Variants in RMI1 observed in about 807,000 individuals in gnomAD.
The protein encoded by RMI1 is recQ-mediated genome instability protein 1.
A neutral mutation model predicts 46.7 loss-of-function variants in RMI1; 36 were observed. The observed-to-expected ratio is 0.77, with a 90% confidence interval of 0.59 to 1.02. The LOEUF is 1.02. Among genes scored for constraint, RMI1 ranks in the 50% least tolerant of loss-of-function variants. RMI1 has a pLI of 0.00. For missense variants in RMI1, 676 were observed against 713.7 expected (o/e 0.95, Z 0.60); for synonymous variants, 250 against 252.9 (o/e 0.99, Z 0.11).
chr9:83,985,917 G>A (rs1223249577), intron 1 of RMI1, among the ~76,000 whole-genome samples: 1 of 152,140 alleles, frequency 6.6e-6, no homozygotes, highest in Admixed American at 6.5e-5. Flanking sequence ...GCTGAGGCAG[G>A]AGAATGGCAG....
At chr9:83,993,956 T>C (rs1465846279) in intron 1 of RMI1, among the ~76,000 whole-genome samples, 1 of 150,514 alleles carries the variant, frequency 6.6e-6, no homozygotes, top group Non-Finnish European at 1.5e-5. Flanking sequence ...ATTTTTTTTT[T>C]TTTTTTTTGT....
At chr9:83,990,095 C>T (rs1046015630) in intron 1 of RMI1, among the ~76,000 whole-genome samples, 11 of 152,152 alleles carry the variant, frequency 7.2e-5, no homozygotes, top group Admixed American at 1.3e-4. Context: ...GGACATGTTG[C>T]ATGTTCTCAC....
chr9:84,001,803 A>C lies in RMI1; in HGVS notation c.817A>C (p.Ser273Arg), dbSNP rs774012352. 1 of 1,614,094 alleles carries C rather than the reference A, an allele frequency of 6.2e-7. No individual in the cohort carries two copies. Among genetic ancestry groups the C allele is most frequent in the Non-Finnish European group, 8.5e-7 (1 of 1,179,950 alleles). Residue 273 changes from serine (S) to arginine (R), a missense_variant, in exon 3 of 3, where the codon AGT (serine) becomes CGT (arginine). Physicochemically the swap from Ser to Arg is moderately radical, Grantham distance 110. Coordinates refer to ENST00000445877, the MANE Select transcript of RMI1 (RefSeq NM_001358291.2). ...CTCAGAACGATGTTTCACCACAGGT[A>C]GTTCCTCAAATACCATTCCCACAAG... ...TSSERCFTTGSSSNTIPTRQS... is the reference protein window; with the variant it reads ...TSSERCFTTGRSSNTIPTRQS...
At position 83,983,353 on chromosome 9, in the gene RMI1, T is replaced by C. The variant is rs192962242; in HGVS notation, c.-126+2462T>C. On this transcript the variant is annotated intron_variant, in intron 1 of 2. Coordinates refer to ENST00000445877, the MANE Select transcript of RMI1 (RefSeq NM_001358291.2). ...ATGGAGGATCCATAAAAATCTCCTC[T>C]GATTACTTCTTCTAATTTCAGTCAT... Among the ~76,000 whole-genome samples the C allele has an allele frequency of 7.2e-5, 11 of 152,336 alleles. No individual in the cohort carries two copies. In the East Asian group the frequency reaches 2.1e-3, roughly 29 times the overall value.
chr9:84,001,508 T>A lies in RMI1; in HGVS notation c.522T>A (p.Ser174=). The part of the protein sequence containing the change: ...GTKILIYGNI[S]FRLGVLLLKP... ...AAATTTTGATTTATGGAAATATATC[T>A]TTCCGTCTTGGTGTTCTCTTATTGA... The change falls in exon 3 of 3, where the codon TCT becomes TCA. Residue 174 remains serine, a synonymous_variant. Transcript: ENST00000445877. 6.2e-7 allele frequency: 1 copy of A among 1,613,980 alleles called. No individual in the cohort carries two copies. Among genetic ancestry groups the A allele is most frequent in the Non-Finnish European group, 8.5e-7 (1 of 1,179,986 alleles).
Position 84,001,165 on chromosome 9 carries a change from A to C in RMI1, c.179A>C (p.Asp60Ala), listed in dbSNP as rs1341161431. 1 of 1,613,982 alleles carries C rather than the reference A, an allele frequency of 6.2e-7. No homozygotes were observed. Among genetic ancestry groups the C allele is most frequent in the African/African-American group, 1.3e-5 (1 of 74,938 alleles). ...GTGTTTGAGCAGTGGCTCCTTACTG[A>C]TCTGAGGGATTTGGAGCATCCTCTT... ...KQVFEQWLLTDLRDLEHPLLP... is the reference protein window; with the variant it reads ...KQVFEQWLLTALRDLEHPLLP... The change falls in exon 3 of 3, where the codon GAT (aspartate) becomes GCT (alanine). Residue 60 changes from aspartate (D) to alanine (A), a missense_variant. Coordinates refer to ENST00000445877, the MANE Select transcript of RMI1 (RefSeq NM_001358291.2).
chr9:83,991,558 T>A (rs1027078948), intron 1 of RMI1, among the ~76,000 whole-genome samples: 1 of 152,194 alleles, frequency 6.6e-6, no homozygotes, highest in Admixed American at 6.6e-5. Flanking sequence ...CCTCAGGTGA[T>A]GCTCCCACCT....
chr9:83,986,211 AAGAT>A (rs1382008411), intron 1 of RMI1, among the ~76,000 whole-genome samples: 3 of 152,250 alleles, frequency 2.0e-5, no homozygotes, highest in Non-Finnish European at 4.4e-5. Context: ...AGCTATCACA[AAGAT>A]AAATATAGTA....
At chr9:83,993,332 C>T (rs966506376) in intron 1 of RMI1, among the ~76,000 whole-genome samples, 1 of 152,138 alleles carries the variant, frequency 6.6e-6, no homozygotes, top group Non-Finnish European at 1.5e-5. Context: ...ATAGGATTTA[C>T]TTCTTTTATA....
chr9:83,990,509 T>A (rs1957554809), intron 1 of RMI1, among the ~76,000 whole-genome samples: 2 of 94,400 alleles, frequency 2.1e-5, no homozygotes, highest in Non-Finnish European at 5.4e-5. Context: ...GAATGCTGTC[T>A]TAAAAAAAAA....
intron 1 of RMI1, among the ~76,000 whole-genome samples, chr9:83,998,205 C>T (rs1957686859): frequency 6.6e-6 from 1 of 152,150 alleles, no homozygotes; most frequent in Non-Finnish European, 1.5e-5. Context: ...TTCATCACAA[C>T]AAGTAAAGAC....
chr9:83,982,026 C>T (rs1203022676), intron 1 of RMI1, among the ~76,000 whole-genome samples: 1 of 152,114 alleles, frequency 6.6e-6, no homozygotes, highest in Admixed American at 6.5e-5. Flanking sequence ...TTTAAATGGT[C>T]CCCACCATGA....
intron 1 of RMI1, among the ~76,000 whole-genome samples, chr9:83,986,754 G>T (rs374344024): frequency 6.6e-6 from 1 of 152,116 alleles, no homozygotes; most frequent in African/African-American, 2.4e-5. Context: ...GGAAATATAG[G>T]ATTAATATCT....
intron 1 of RMI1, among the ~76,000 whole-genome samples, chr9:83,981,466 T>G (rs1957392429): frequency 6.6e-6 from 1 of 152,202 alleles, no homozygotes; most frequent in Non-Finnish European, 1.5e-5. Flanking sequence ...TCTAGCGGGT[T>G]CAGCGCACAC....
At chr9:84,000,711 T>C (rs1957724217) in intron 2 of RMI1, among the ~76,000 whole-genome samples, 1 of 152,156 alleles carries the variant, frequency 6.6e-6, no homozygotes, top group Non-Finnish European at 1.5e-5. Context: ...GAGAATTTTA[T>C]ATTAGGTCAC....
intron 1 of RMI1, among the ~76,000 whole-genome samples, chr9:83,985,485 G>A (rs1377385413): frequency 6.6e-6 from 1 of 152,104 alleles, no homozygotes; most frequent in Non-Finnish European, 1.5e-5. Flanking sequence ...CAGGTGTCTT[G>A]GTTATCTTTT....
At chr9:83,985,985 G>A (rs1265422035) in intron 1 of RMI1, among the ~76,000 whole-genome samples, 1 of 151,990 alleles carries the variant, frequency 6.6e-6, no homozygotes, top group Non-Finnish European at 1.5e-5. Context: ...CTCCAGCCTG[G>A]GCGACAGAGC....
chr9:83,982,103 G>A (rs1171358699), intron 1 of RMI1, among the ~76,000 whole-genome samples: 1 of 152,162 alleles, frequency 6.6e-6, no homozygotes, highest in Non-Finnish European at 1.5e-5. Flanking sequence ...ACAAAGTTCA[G>A]AATTTTATTA....
intron 1 of RMI1, among the ~76,000 whole-genome samples, chr9:83,990,148 A>G (rs1957547898): frequency 6.6e-6 from 1 of 152,206 alleles, no homozygotes; most frequent in African/African-American, 2.4e-5. Context: ...GGTAGAGAGT[A>G]GAACAATGGT....
Sources: allele counts gnomAD v4.1 joint callset (sites outside exome capture counted in the v4.1 genomes callset), GRCh38; gene constraint gnomAD v4.1.1; transcripts MANE v1.5; gene names NCBI Gene and HGNC (gene_info 2026-07-23, HGNC 2026-07-21).